Variants in TAOK2 observed in about 807,000 individuals in gnomAD.
TAOK2 encodes the protein serine/threonine-protein kinase TAO2.
Under a neutral mutation model 122.5 loss-of-function variants are expected in TAOK2, and 42 were observed. The ratio of observed to expected loss-of-function variants is 0.34; its 90% CI spans 0.27 to 0.44. The LOEUF is 0.44. TAOK2 is among the 20% of genes least tolerant of loss of function. The pLI, the probability that TAOK2 is intolerant of heterozygous loss-of-function variation, is 1.00. For synonymous variants in TAOK2, 704 were observed against 677.6 expected (o/e 1.04, Z -0.61); for missense variants, 1,264 against 1,644.9 (o/e 0.77, Z 4.01).
chr16:29,977,588 ATGT>A, intron 1 of TAOK2, 147 bp from the exon 2 acceptor site: 1 of 748,694 alleles, frequency 1.3e-6, no homozygotes. Context: ...TGGAGCTTTG[ATGT>A]TGTTCCTAAT....
chr16:29,977,940 G>A (rs2069504798), intron 2 of TAOK2, 36 bp downstream of exon 2: 11 of 1,613,972 alleles, frequency 6.8e-6, no homozygotes, highest in Non-Finnish European at 9.3e-6. Context: ...ATAGGGATGG[G>A]GACTCTTCCT....
intron 8 of TAOK2, chr16:29,981,227 C>T (rs1282299941): frequency 5.6e-6 from 2 of 358,854 alleles, no homozygotes; most frequent in Non-Finnish European, 1.0e-5. Flanking sequence ...CTGTTTCCCT[C>T]TTATACCAGT....
At chr16:29,983,788 T>A in intron 13 of TAOK2, 124 bp downstream of exon 13, 9 of 1,407,648 alleles carry the variant, frequency 6.4e-6, no homozygotes, top group Non-Finnish European at 7.7e-6. Flanking sequence ...TTTCTGTTGC[T>A]GGCTCCTGCC....
Position 29,985,189 on chromosome 16 carries a change from C to T in TAOK2, c.1423-24C>T, listed in dbSNP as rs760603573. On this transcript the variant is annotated intron_variant, in intron 13 of 15. Transcript: ENST00000308893. The surrounding 1 kb of genome is among the most constrained non-coding windows in gnomAD (Gnocchi z 6.9). ...AACTAGGGGCCAGGCTGAGCCCCAGCTCTCACCCTCTCTCCTTCCCCAGGT... is the reference window on the plus strand; with the variant it reads ...AACTAGGGGCCAGGCTGAGCCCCAGTTCTCACCCTCTCTCCTTCCCCAGGT... 25 of 1,492,122 alleles carry T rather than the reference C, an allele frequency of 1.7e-5. No individual in the cohort carries two copies. The highest frequency in any genetic ancestry group is 2.4e-5 in the Admixed American group (1 of 41,932). 92.4% of individuals were successfully genotyped at this position (1,492,122 alleles called of 1,614,324 possible).
Position 29,986,583 on chromosome 16 carries a change from A to G in TAOK2, c.2311A>G (p.Ile771Val), listed in dbSNP as rs2069803714. The G allele has an allele frequency of 2.5e-6, 4 of 1,613,822 alleles. No homozygotes were observed. The highest frequency in any genetic ancestry group is 1.7e-4 in the Middle Eastern group (1 of 6,060). ...GGGCCCACCCAACACAGGCACCCCTATAGAACAGCAGCCCTGCTCACCTGG... is the reference window on the plus strand; with the variant it reads ...GGGCCCACCCAACACAGGCACCCCTGTAGAACAGCAGCCCTGCTCACCTGG... ...ALGPPNTGTP[I>V]EQQPCSPGQE... The change falls in exon 16 of 16, where the codon ATA (isoleucine) becomes GTA (valine). Residue 771 changes from isoleucine (I) to valine (V), a missense_variant. Around this residue, in one of 4 missense-constraint regions of TAOK2, gnomAD observed 824 missense variants for 908.7 expected, o/e 0.91. Coordinates refer to ENST00000308893, the MANE Select transcript of TAOK2 (RefSeq NM_016151.4). The surrounding 1 kb of genome is among the most constrained non-coding windows in gnomAD (Gnocchi z 4.2).
At chr16:29,981,182 G>C (rs373330072) in intron 8 of TAOK2, 5 of 241,428 alleles carry the variant, frequency 2.1e-5, no homozygotes, top group African/African-American at 2.3e-5. Flanking sequence ...TAGCTTGAAG[G>C]CTCACTGCAT....
In TAOK2 at chr16:29,974,249, C is replaced by A. The variant is rs2069384283; in HGVS notation, c.-435C>A. 6.6e-6 allele frequency: 1 copy of A among 152,564 alleles called. No homozygotes were observed. The highest frequency in any genetic ancestry group is 6.5e-5 in the Admixed American group (1 of 15,288). The allele number at this position is 152,564 out of a possible 1,614,324, so 9.5% of individuals were successfully genotyped here. A position where few individuals can be genotyped will look rare whatever the true frequency, so the allele number is the denominator to read the frequency against. ...AGTCCAGATATCCGGGACTCGGGTC[C>A]CAACCTCTCTAAACCTGGGTCTCTG... On this transcript the variant is annotated 5_prime_UTR_variant, in exon 1 of 16. Coordinates refer to ENST00000308893, the MANE Select transcript of TAOK2 (RefSeq NM_016151.4).
intron 10 of TAOK2, 94 bp from the exon 11 acceptor site, chr16:29,982,640 C>T (rs1596604945): frequency 6.6e-7 from 1 of 1,514,808 alleles, no homozygotes; most frequent in Non-Finnish European, 8.9e-7. Context: ...GCGTGGGCCC[C>T]AGAAGAGTGC....
Position 29,987,012 on chromosome 16 carries a change from C to T in TAOK2, c.2740C>T (p.Pro914Ser), listed in dbSNP as rs1194799603. 3.7e-6 allele frequency: 6 copies of T among 1,612,574 alleles called. No individual in the cohort carries two copies. Among genetic ancestry groups the T allele is most frequent in the South Asian group, 2.2e-5 (2 of 90,980 alleles). ...EEEEGAPIGT[P>S]RDPGDGCPSP... ...GGAAGAGGGGGCTCCGATTGGGACC[C>T]CTAGGGATCCTGGAGATGGTTGTCC... The change falls in exon 16 of 16, where the codon CCT (proline) becomes TCT (serine). Residue 914 changes from proline to serine, a missense_variant. By Grantham distance (74) the Pro-to-Ser change is moderately conservative (BLOSUM62 -1). Transcript: ENST00000308893.
At chr16:29,982,509 A>G (rs1039713314) in intron 10 of TAOK2, among the ~76,000 whole-genome samples, 2 of 152,236 alleles carry the variant, frequency 1.3e-5, no homozygotes, top group Non-Finnish European at 2.9e-5. Flanking sequence ...AGTTCTCCTG[A>G]CTGTCCCTGC....
downstream of TAOK2, chr16:29,989,430 C>A: frequency 2.0e-6 from 2 of 984,888 alleles, no homozygotes; most frequent in Non-Finnish European, 2.4e-6. Flanking sequence ...CTCTGTCTAA[C>A]ATGTTTTCTG....
intron 13 of TAOK2, among the ~76,000 whole-genome samples, chr16:29,983,986 AAGCCCAGTGCTGGGGG>A (rs1210608011): frequency 2.0e-5 from 3 of 152,126 alleles, no homozygotes; most frequent in Middle Eastern, 3.4e-3. Context: ...TGTGCTGGGG[AAGCCCAGTGCTGGGGG>A]AGCCCTGTGC....
At chr16:29,988,769 G>A (rs571567379), downstream of TAOK2, 8 of 985,412 alleles carry the variant, frequency 8.1e-6, no homozygotes, top group East Asian at 2.3e-4. Context: ...AGTGGGTTGG[G>A]GGACGGGGCT....
At position 29,986,272 on chromosome 16, in the gene TAOK2, A is replaced by C; in HGVS notation, c.2000A>C (p.Asn667Thr). 1 of 1,516,224 alleles carries C rather than the reference A, an allele frequency of 6.6e-7. No homozygotes were observed. The allele number at this position is 1,516,224 out of a possible 1,614,324, so 93.9% of individuals were successfully genotyped here. Reference protein sequence around the residue: ...LDQDLLREDLNKKQTQKDLEC... With the variant: ...LDQDLLREDLTKKQTQKDLEC... ...GCATTTCTTCTGCCTCAGGACCTGAACAAGAAGCAGACCCAGAAGGACTTG... is the reference window on the plus strand; with the variant it reads ...GCATTTCTTCTGCCTCAGGACCTGACCAAGAAGCAGACCCAGAAGGACTTG... The change falls in exon 16 of 16, where the codon AAC becomes ACC. Residue 667 changes from asparagine to threonine, a missense_variant. Around this residue, in one of 4 missense-constraint regions of TAOK2, gnomAD observed 824 missense variants for 908.7 expected, o/e 0.91. Coordinates refer to ENST00000308893, the MANE Select transcript of TAOK2 (RefSeq NM_016151.4). The surrounding 1 kb of genome is among the most constrained non-coding windows in gnomAD (Gnocchi z 4.2).
rs1408947405 is a variant in TAOK2, at chr16:29,986,122, C to T, written c.1993-143C>T. ...CCCCAGCTCCCTCTGCCAAGGAGCC[C>T]TGGCCCCTCACTTCCTTGATACTGA... On this transcript the variant is annotated intron_variant, in intron 15 of 15. Transcript: ENST00000308893. The surrounding 1 kb of genome is among the most constrained non-coding windows in gnomAD (Gnocchi z 4.2). 7.7e-7 allele frequency: 1 copy of T among 1,297,540 alleles called. No homozygotes were observed. The highest frequency in any genetic ancestry group is 1.1e-6 in the Non-Finnish European group (1 of 942,268). 80.4% of individuals were successfully genotyped at this position (1,297,540 alleles called of 1,614,324 possible). A position where few individuals can be genotyped will look rare whatever the true frequency, so the allele number is the denominator to read the frequency against.
rs148979696 is a variant in TAOK2, at chr16:29,987,344, C to A, written c.3072C>A (p.Thr1024=). The change falls in exon 16 of 16, where the codon ACC becomes ACA. Residue 1024 remains threonine, a synonymous_variant. Transcript: ENST00000308893. ...TTTTCCTACTCCTGGCCCAGGGTAC[C>A]GCACTGGGGGCCGTCCTGGGCCTGA... ...SSLFLLLAQG[T]ALGAVLGLSW... 1.3e-6 allele frequency: 2 copies of A among 1,556,774 alleles called. No individual in the cohort carries two copies. The highest frequency in any genetic ancestry group is 1.7e-6 in the Non-Finnish European group (2 of 1,152,848).
At chr16:29,991,286 C>A, downstream of TAOK2, 2 of 1,611,762 alleles carry the variant, frequency 1.2e-6, no homozygotes, top group East Asian at 2.2e-5. This position sits in a 1 kb window ranked among gnomAD's most constrained non-coding sequence, Gnocchi z 5.6. Flanking sequence ...GGAGCCATGG[C>A]CCTCCTCCAC....
downstream of TAOK2, chr16:29,991,314 G>C: frequency 6.2e-7 from 1 of 1,610,074 alleles, no homozygotes; most frequent in Non-Finnish European, 8.5e-7. The surrounding 1 kb of genome is among the most constrained non-coding windows in gnomAD (Gnocchi z 5.6). Context: ...GCCCCCTCCA[G>C]CCTGGCGTCA....
intron 10 of TAOK2, 72 bp downstream of exon 10, chr16:29,982,012 T>C: frequency 5.3e-6 from 7 of 1,332,332 alleles, no homozygotes; most frequent in Non-Finnish European, 7.4e-6. Flanking sequence ...CCAGGGAAAT[T>C]AGTGGTTCCC....
Sources: allele counts gnomAD v4.1 joint callset (sites outside exome capture counted in the v4.1 genomes callset), GRCh38; gene constraint gnomAD v4.1.1; regional missense constraint gnomAD v4.1.1; non-coding constraint Gnocchi (gnomAD v3.1); transcripts MANE v1.5; gene names NCBI Gene and HGNC (gene_info 2026-07-23, HGNC 2026-07-21).